HMGB1: variants seen among roughly 807,000 people sequenced by gnomAD.
The protein encoded by HMGB1 is high mobility group box 1.
For synonymous variants in HMGB1, 81 were observed against 84.0 expected, an observed-to-expected ratio of 0.96 and a Z score of 0.19; for missense variants, 79 against 253.5, an observed-to-expected ratio of 0.31 and a Z score of 4.67.
intron 1 of HMGB1, among the ~76,000 whole-genome samples, chr13:30,536,160 C>A (rs767315066): frequency 8.5e-5 from 13 of 152,132 alleles, no homozygotes; most frequent in Non-Finnish European, 1.6e-4. Context: ...GAAGTTACTG[C>A]AATAAACAAT....
chr13:30,547,142 C>G (rs1869200618), intron 1 of HMGB1, among the ~76,000 whole-genome samples: 1 of 152,208 alleles, frequency 6.6e-6, no homozygotes, highest in South Asian at 2.1e-4. Context: ...TGCTGCTTAG[C>G]TTTGTCAGGT....
At chr13:30,579,629 C>T (rs1870815215) in intron 1 of HMGB1, among the ~76,000 whole-genome samples, 1 of 152,116 alleles carries the variant, frequency 6.6e-6, no homozygotes, top group South Asian at 2.1e-4. Context: ...TTAGTTTCCT[C>T]ACTAAAGTCA....
intron 1 of HMGB1, among the ~76,000 whole-genome samples, chr13:30,496,523 CTG>C (rs1274983594): frequency 2.0e-5 from 3 of 152,320 alleles, no homozygotes; most frequent in Non-Finnish European, 4.4e-5. Context: ...AGTTCAGACA[CTG>C]TGCATCAAAC....
In HMGB1 at chr13:30,464,251, T is replaced by C. The variant is rs904471963; in HGVS notation, c.-14-557A>G. On this transcript the variant is annotated intron_variant, in intron 1 of 4. Coordinates refer to ENST00000341423, the MANE Select transcript of HMGB1 (RefSeq NM_002128.7). ...GCCAGCTCCGGTGCTCGGAACCCGG[T>C]TGGGGGGTGGCGGTGCCACCGCGAG... 3.5e-5 allele frequency: 34 copies of C among 985,288 alleles called. No individual in the cohort carries two copies. The South Asian group carries it at 6.1e-4, about 18-fold the overall frequency. The allele number at this position is 985,288 out of a possible 1,614,324, so 61.0% of individuals were successfully genotyped here.
At chr13:30,477,877 C>T (rs902525251) in intron 1 of HMGB1, among the ~76,000 whole-genome samples, 3 of 151,848 alleles carry the variant, frequency 2.0e-5, no homozygotes, top group Admixed American at 1.3e-4. Context: ...GTGCCCAAAG[C>T]GGTTTGTAAG....
intron 1 of HMGB1, among the ~76,000 whole-genome samples, chr13:30,509,650 G>C (rs1887947400): frequency 1.3e-5 from 2 of 152,172 alleles, no homozygotes. Flanking sequence ...GCAGGAATAT[G>C]AGTGCAAAAC....
chr13:30,505,876 A>G (rs1284838051), intron 1 of HMGB1, among the ~76,000 whole-genome samples: 1 of 151,956 alleles, frequency 6.6e-6, no homozygotes, highest in Non-Finnish European at 1.5e-5. Context: ...GACATCAAGT[A>G]GACAGTTTTT....
chr13:30,474,478 T>C (rs1275842167), intron 1 of HMGB1, among the ~76,000 whole-genome samples: 1 of 152,172 alleles, frequency 6.6e-6, no homozygotes, highest in Admixed American at 6.5e-5. Context: ...GTGGGAGGCT[T>C]TTCTGGAGAG....
intron 1 of HMGB1, among the ~76,000 whole-genome samples, chr13:30,570,110 G>A (rs746548435): frequency 6.6e-6 from 1 of 152,168 alleles, no homozygotes; most frequent in Admixed American, 6.5e-5. Flanking sequence ...GATGACTCAC[G>A]AGAGAGTAGG....
At chr13:30,475,311 C>T (rs1460047687) in intron 1 of HMGB1, among the ~76,000 whole-genome samples, 3 of 149,308 alleles carry the variant, frequency 2.0e-5, no homozygotes, top group Non-Finnish European at 3.0e-5. Context: ...TCCCACCTCT[C>T]CCCTCCCTTC....
At chr13:30,506,718 C>T (rs1887877520) in intron 1 of HMGB1, among the ~76,000 whole-genome samples, 1 of 152,186 alleles carries the variant, frequency 6.6e-6, no homozygotes, top group Non-Finnish European at 1.5e-5. Flanking sequence ...TTCTCAAAGC[C>T]TCACCTGCTT....
intron 1 of HMGB1, among the ~76,000 whole-genome samples, chr13:30,600,155 A>G (rs1023857764): frequency 6.6e-6 from 1 of 152,152 alleles, no homozygotes; most frequent in Non-Finnish European, 1.5e-5. Context: ...TTGCCACAAA[A>G]CCTAAAATTC....
intron 1 of HMGB1, among the ~76,000 whole-genome samples, chr13:30,531,858 T>C (rs967288710): frequency 2.0e-5 from 3 of 150,716 alleles, no homozygotes; most frequent in Non-Finnish European, 3.0e-5. Flanking sequence ...GATCTCACCA[T>C]TGCACTCCAG....
intron 1 of HMGB1, among the ~76,000 whole-genome samples, chr13:30,566,676 G>A (rs1870199054): frequency 6.6e-6 from 1 of 152,148 alleles, no homozygotes; most frequent in South Asian, 2.1e-4. Context: ...TTGAAACCAT[G>A]CATTTAATTC....
At chr13:30,607,401 G>A (rs763415025) in intron 1 of HMGB1, among the ~76,000 whole-genome samples, 3 of 151,032 alleles carry the variant, frequency 2.0e-5, no homozygotes, top group Admixed American at 6.6e-5. Flanking sequence ...AGAGTTCTCC[G>A]ATGGTTTAAA....
chr13:30,582,924 G>GA (rs1870966998), intron 1 of HMGB1, among the ~76,000 whole-genome samples: 2 of 152,052 alleles, frequency 1.3e-5, no homozygotes, highest in Non-Finnish European at 2.9e-5. Flanking sequence ...TATCTCTGCT[G>GA]CTACAACTTT....
chr13:30,459,177 T>TAG lies in HMGB1; in HGVS notation c.*2179_*2180insCT, dbSNP rs993430290. The TAG allele has an allele frequency of 5.9e-5, 9 of 152,008 alleles. No individual in the cohort carries two copies. The highest frequency in any genetic ancestry group is 1.9e-4 in the African/African-American group (8 of 41,368). The allele number at this position is 152,008 out of a possible 1,614,324, so 9.4% of individuals were successfully genotyped here. A position where few individuals can be genotyped will look rare whatever the true frequency, so the allele number is the denominator to read the frequency against. On this transcript the variant is annotated 3_prime_UTR_variant, in exon 5 of 5. Transcript: ENST00000341423. ...ATCTTCAGTTACAAGGCTTTACACT[T>TAG]ATCTAAATTGCCTCCCACTTCCATT...
At chr13:30,496,289 T>A (rs1476892681) in intron 1 of HMGB1, among the ~76,000 whole-genome samples, 2 of 152,194 alleles carry the variant, frequency 1.3e-5, no homozygotes, top group African/African-American at 4.8e-5. Flanking sequence ...CAGTCCTCCC[T>A]CCAGGCTTCA....
At chr13:30,522,108 A>C (rs79581672) in intron 1 of HMGB1, among the ~76,000 whole-genome samples, 1 of 43,310 alleles carries the variant, frequency 2.3e-5, no homozygotes, top group Non-Finnish European at 4.5e-5. Context: ...TAATTATGAT[A>C]CTTTTTTTTT....
Sources: allele counts gnomAD v4.1 joint callset (sites outside exome capture counted in the v4.1 genomes callset), GRCh38; gene constraint gnomAD v4.1.1; transcripts MANE v1.5; gene names NCBI Gene and HGNC (gene_info 2026-07-23, HGNC 2026-07-21).